DLGAP1: variants seen among roughly 807,000 people sequenced by gnomAD.
The protein encoded by DLGAP1 is DLG associated protein 1.
Under a neutral mutation model 90.8 loss-of-function variants are expected in DLGAP1, and 11 were observed. That is an observed-to-expected ratio of 0.12 (90% CI 0.08 to 0.20). The LOEUF (loss-of-function observed/expected upper bound fraction) is 0.20. DLGAP1 is among the 10% of genes least tolerant of loss of function. The probability of loss-of-function intolerance (pLI) is 1.00; values close to 1 mark genes in which losing one functional copy is unlikely to be tolerated. For missense variants in DLGAP1, 1,050 were observed against 1,333.8 expected (o/e 0.79, Z 3.31); for synonymous variants, 558 against 540.7 (o/e 1.03, Z -0.44).
At chr18:3,908,067 C>A (rs931827108) in intron 3 of DLGAP1, among the ~76,000 whole-genome samples, 1 of 152,152 alleles carries the variant, frequency 6.6e-6, no homozygotes, top group African/African-American at 2.4e-5. Context: ...CCTGCTATAC[C>A]TGCACTGAAA....
chr18:4,297,730 A>G (rs2080017748), intron 1 of DLGAP1, among the ~76,000 whole-genome samples: 1 of 152,122 alleles, frequency 6.6e-6, no homozygotes, highest in South Asian at 2.1e-4. Flanking sequence ...TTCTGGTATA[A>G]CAGATAATTA....
chr18:4,163,602 T>C (rs1409024356), intron 1 of DLGAP1, among the ~76,000 whole-genome samples: 2 of 152,204 alleles, frequency 1.3e-5, no homozygotes, highest in African/African-American at 4.8e-5. Context: ...GTCATCACAA[T>C]AAAATGTCTG....
intron 1 of DLGAP1, among the ~76,000 whole-genome samples, chr18:4,180,778 A>AG: frequency 8.6e-6 from 1 of 115,830 alleles, no homozygotes; most frequent in East Asian, 3.5e-4. Context: ...GCTCAGAGGT[A>AG]GGGAAAATCA....
chr18:3,974,774 T>C (rs2073534680), intron 3 of DLGAP1, among the ~76,000 whole-genome samples: 1 of 152,044 alleles, frequency 6.6e-6, no homozygotes, highest in Admixed American at 6.6e-5. Flanking sequence ...CACCGATGAG[T>C]AGTATTTTAC....
At chr18:4,011,256 G>A (rs1568350539) in intron 2 of DLGAP1, among the ~76,000 whole-genome samples, 1 of 151,656 alleles carries the variant, frequency 6.6e-6, no homozygotes, top group Non-Finnish European at 1.5e-5. Context: ...TGAGCATGGT[G>A]ACCCCGCTTT....
At chr18:3,535,067 C>T (rs1257134567) in intron 9 of DLGAP1, among the ~76,000 whole-genome samples, 1 of 133,302 alleles carries the variant, frequency 7.5e-6, no homozygotes, top group Non-Finnish European at 1.6e-5. Flanking sequence ...TCTTCTCAAT[C>T]TTCTCTGTGT....
chr18:3,522,459 A>G (rs139082431), intron 10 of DLGAP1, among the ~76,000 whole-genome samples: 34 of 150,550 alleles, frequency 2.3e-4, no homozygotes, highest in Non-Finnish European at 4.0e-4. Flanking sequence ...TTTTCCCCCA[A>G]TGTTGTAGAC....
intron 7 of DLGAP1, among the ~76,000 whole-genome samples, chr18:3,601,949 CAGTG>C (rs2057057431): frequency 6.6e-6 from 1 of 151,940 alleles, no homozygotes; most frequent in Non-Finnish European, 1.5e-5. Context: ...GCGGAGATTG[CAGTG>C]AGTGGAGATC....
intron 2 of DLGAP1, among the ~76,000 whole-genome samples, chr18:4,089,756 C>T (rs1325241873): frequency 6.6e-6 from 1 of 152,120 alleles, no homozygotes; most frequent in African/African-American, 2.4e-5. Context: ...GAAACCGGAC[C>T]TCTTCCTGGC....
chr18:4,292,596 T>C (rs1472186837), intron 1 of DLGAP1, among the ~76,000 whole-genome samples: 1 of 152,190 alleles, frequency 6.6e-6, no homozygotes, highest in Non-Finnish European at 1.5e-5. Context: ...ATTACAAAGA[T>C]TGCTCTTTAA....
intron 1 of DLGAP1, among the ~76,000 whole-genome samples, chr18:4,288,994 G>C (rs1470135617): frequency 2.0e-5 from 3 of 152,118 alleles, no homozygotes; most frequent in Admixed American, 6.6e-5. Context: ...AACGTCTCCT[G>C]TCTTACTCTA....
At chr18:3,629,609 T>C (rs998228329) in intron 7 of DLGAP1, among the ~76,000 whole-genome samples, 5 of 151,440 alleles carry the variant, frequency 3.3e-5, no homozygotes, top group Non-Finnish European at 1.5e-5. Flanking sequence ...GAGGCGGAGC[T>C]TGCAGTGAGC....
At chr18:3,650,561 C>G (rs1816065273) in intron 7 of DLGAP1, among the ~76,000 whole-genome samples, 1 of 152,178 alleles carries the variant, frequency 6.6e-6, no homozygotes, top group Admixed American at 6.5e-5. Flanking sequence ...GGTGCTCCAG[C>G]CTCCACGTCA....
At chr18:4,167,513 G>A (rs2076952190) in intron 1 of DLGAP1, among the ~76,000 whole-genome samples, 1 of 152,120 alleles carries the variant, frequency 6.6e-6, no homozygotes, top group Non-Finnish European at 1.5e-5. Context: ...ACCTAAGAGG[G>A]TACATGCCAC....
intron 3 of DLGAP1, among the ~76,000 whole-genome samples, chr18:3,988,768 T>A (rs893423865): frequency 2.0e-5 from 3 of 152,156 alleles, no homozygotes; most frequent in African/African-American, 7.2e-5. Context: ...TACCAGTCTG[T>A]GGCCTGGGGG....
chr18:3,587,325 G>A (rs921268983), intron 7 of DLGAP1, among the ~76,000 whole-genome samples: 2 of 152,302 alleles, frequency 1.3e-5, no homozygotes, highest in Admixed American at 1.3e-4. Context: ...AAAGTGCTGG[G>A]ATTACAGGCA....
intron 2 of DLGAP1, among the ~76,000 whole-genome samples, chr18:4,099,623 C>G (rs568696961): frequency 6.6e-6 from 1 of 151,756 alleles, no homozygotes; most frequent in East Asian, 1.9e-4. Context: ...GGTTTTACCT[C>G]AATGTTGGTG....
chr18:3,880,004 G>A lies in DLGAP1; in HGVS notation c.65C>T (p.Ser22Leu), dbSNP rs750581288. 13 of 1,610,322 alleles carry A rather than the reference G, an allele frequency of 8.1e-6. No individual in the cohort carries two copies. Among genetic ancestry groups the A allele is most frequent in the Admixed American group, 5.0e-5 (3 of 60,002 alleles). ...CTTGCGGTCGGAGTGGTGCGACAGCGAGTCACAGGCCGAGTCGCAGGTGAC... is the reference window on the plus strand; with the variant it reads ...CTTGCGGTCGGAGTGGTGCGACAGCAAGTCACAGGCCGAGTCGCAGGTGAC... ...HGVTCDSACD[S>L]LSHHSDRKPY... is the part of the protein sequence containing the mutation. Residue 22 changes from serine (S) to leucine (L), a missense_variant, in exon 4 of 13, where the codon TCG becomes TTG. Physicochemically the swap from Ser to Leu is moderately radical, Grantham distance 145. Coordinates refer to ENST00000315677, the MANE Select transcript of DLGAP1 (RefSeq NM_004746.4).
chr18:3,516,711 T>A (rs2050865814), intron 10 of DLGAP1, among the ~76,000 whole-genome samples: 1 of 152,176 alleles, frequency 6.6e-6, no homozygotes, highest in Non-Finnish European at 1.5e-5. Flanking sequence ...GAGAGAATGA[T>A]GATAGACAAG....
Sources: allele counts gnomAD v4.1 joint callset (sites outside exome capture counted in the v4.1 genomes callset), GRCh38; gene constraint gnomAD v4.1.1; transcripts MANE v1.5; gene names NCBI Gene and HGNC (gene_info 2026-07-23, HGNC 2026-07-21).